RGS17: variants seen among roughly 807,000 people sequenced by gnomAD.
RGS17 encodes regulator of G protein signaling 17.
In RGS17, 12 loss-of-function variants were observed where a neutral mutation model predicts 25.5. The observed-to-expected ratio is 0.47, with a 90% confidence interval of 0.30 to 0.76. The LOEUF is 0.76. Among genes scored for constraint, RGS17 ranks in the 30% least tolerant of loss-of-function variants. RGS17 has a pLI of 0.07. For synonymous variants in RGS17, 71 were observed against 76.9 expected, an observed-to-expected ratio of 0.92 and a Z score of 0.40; for missense variants, 196 against 242.2, an observed-to-expected ratio of 0.81 and a Z score of 1.27.
chr6:153,020,762 A>G, intron 4 of RGS17, among the ~76,000 whole-genome samples: 1 of 152,184 alleles, frequency 6.6e-6, no homozygotes, highest in East Asian at 1.9e-4. Context: ...TGTTCTTTAA[A>G]AATATTCTGA....
rs370096270 is a variant in RGS17, at chr6:153,049,473, C to T, written c.-25-5430G>A. ...CTAAATTATTTTATAAATTCAAGGC[C>T]GGGCATGGTGGCTCACACCTGTAAT... On this transcript the variant is annotated intron_variant, in intron 1 of 4. Transcript: ENST00000206262. Among the ~76,000 whole-genome samples, 42 of 152,152 alleles carry T rather than the reference C, an allele frequency of 2.8e-4. 5 individuals carry two copies. Among genetic ancestry groups the T allele is most frequent in the Admixed American group, 2.0e-3 (31 of 15,280 alleles).
intron 4 of RGS17, among the ~76,000 whole-genome samples, chr6:153,019,606 G>A (rs1043391508): frequency 4.6e-5 from 7 of 152,008 alleles, no homozygotes; most frequent in African/African-American, 1.5e-4. Flanking sequence ...GAATTCTTGC[G>A]AGATCTGGTT....
intron 1 of RGS17, among the ~76,000 whole-genome samples, chr6:153,066,143 A>G (rs1196762981): frequency 6.6e-6 from 1 of 152,204 alleles, no homozygotes; most frequent in African/African-American, 2.4e-5. Context: ...AGAGGCTACT[A>G]TGAGTAACCG....
chr6:153,065,343 A>T (rs1226625798), intron 1 of RGS17, among the ~76,000 whole-genome samples: 2 of 152,236 alleles, frequency 1.3e-5, no homozygotes, highest in Non-Finnish European at 1.5e-5. Context: ...AGGCCCCAGT[A>T]CAGTAATGGC....
chr6:153,121,587 G>T (rs990231402), intron 1 of RGS17, among the ~76,000 whole-genome samples: 4 of 152,062 alleles, frequency 2.6e-5, no homozygotes, highest in Non-Finnish European at 5.9e-5. Context: ...AAATATTTTA[G>T]ATATTAAGTC....
intron 1 of RGS17, among the ~76,000 whole-genome samples, chr6:153,058,702 G>A (rs936071541): frequency 7.9e-5 from 12 of 152,130 alleles, no homozygotes; most frequent in Admixed American, 6.6e-5. Context: ...TAGTTGTGAC[G>A]AATTTTTCCT....
intron 1 of RGS17, among the ~76,000 whole-genome samples, chr6:153,110,641 C>T (rs1418488043): frequency 6.6e-6 from 1 of 152,182 alleles, no homozygotes; most frequent in Admixed American, 6.5e-5. Context: ...TACCTGGTGG[C>T]TGGCAAGATG....
chr6:153,090,849 T>C (rs557934920), intron 1 of RGS17, among the ~76,000 whole-genome samples: 58 of 119,270 alleles, frequency 4.9e-4, no homozygotes, highest in Admixed American at 3.9e-3. Context: ...TAAAAAAACA[T>C]AGTATATATA....
chr6:153,082,825 C>T (rs1777003594), intron 1 of RGS17, among the ~76,000 whole-genome samples: 1 of 152,040 alleles, frequency 6.6e-6, no homozygotes, highest in South Asian at 2.1e-4. Flanking sequence ...CCTGACAGGC[C>T]ATTAATCATA....
chr6:153,058,102 A>G (rs1338211061), intron 1 of RGS17, among the ~76,000 whole-genome samples: 3 of 152,232 alleles, frequency 2.0e-5, no homozygotes, highest in Admixed American at 6.5e-5. Context: ...CCATTCTGCT[A>G]TAAGGGCTGA....
At chr6:153,078,616 T>C (rs935790828) in intron 1 of RGS17, among the ~76,000 whole-genome samples, 8 of 147,004 alleles carry the variant, frequency 5.4e-5, no homozygotes, top group Non-Finnish European at 9.1e-5. Context: ...AATAATACTT[T>C]ATTAATGTGA....
chr6:153,009,599 CTT>C lies in RGS17; in HGVS notation c.*1973_*1974del, dbSNP rs980238065. 5.3e-5 allele frequency: 8 copies of C among 151,740 alleles called. No homozygotes were observed. The highest frequency in any genetic ancestry group is 4.2e-4 in the South Asian group (2 of 4,788). The allele number at this position is 151,740 out of a possible 1,614,324, so 9.4% of individuals were successfully genotyped here. On this transcript the variant is annotated 3_prime_UTR_variant, in exon 5 of 5. Coordinates refer to ENST00000206262, the MANE Select transcript of RGS17 (RefSeq NM_012419.5). Reference sequence around the variant, plus strand: ...TTTAAATGACATGAATAAAATATGTCTTAACACACTAACACTTTCAGAAAACA... The same window carrying C: ...TTTAAATGACATGAATAAAATATGTCAACACACTAACACTTTCAGAAAACA...
chr6:153,037,821 G>T (rs1776269931), intron 2 of RGS17, among the ~76,000 whole-genome samples: 1 of 152,196 alleles, frequency 6.6e-6, no homozygotes, highest in South Asian at 2.1e-4. Context: ...TCAAATACAA[G>T]ATCTATGTAA....
intron 1 of RGS17, among the ~76,000 whole-genome samples, chr6:153,101,400 T>C (rs557057811): frequency 1.8e-4 from 27 of 152,248 alleles, no homozygotes; most frequent in African/African-American, 6.5e-4. Flanking sequence ...TATCCTCGGG[T>C]GGTCATGGAA....
Position 153,022,202 on chromosome 6 carries a change from C to T in RGS17, c.444+2060G>A, listed in dbSNP as rs987026271. ...CAGCCTGGGTGGCACAGTGAGACTC[C>T]GTCTCAAAAAAAATTAGATGAAAAC... On this transcript the variant is annotated intron_variant, in intron 4 of 4. Coordinates refer to ENST00000206262, the MANE Select transcript of RGS17 (RefSeq NM_012419.5). Among the ~76,000 whole-genome samples the T allele has an allele frequency of 9.2e-4, 140 of 151,812 alleles. 1 individual carries two copies. The highest frequency in any genetic ancestry group is 3.2e-3 in the African/African-American group (133 of 41,408).
At position 153,043,894 on chromosome 6, in the gene RGS17, A is replaced by C; in HGVS notation, c.119+6T>G. The C allele has an allele frequency of 1.9e-6, 3 of 1,588,340 alleles. No individual in the cohort carries two copies. The highest frequency in any genetic ancestry group is 2.6e-6 in the Non-Finnish European group (3 of 1,160,156). On this transcript the variant is annotated splice_donor_region_variant and intron_variant, in intron 2 of 4. Transcript: ENST00000206262. ...GGTGTGGCATCCTACAGGTAACATG[A>C]CATACCAGGAGCAGCTGCAACAACA...
chr6:153,036,969 A>C (rs1280289425), intron 2 of RGS17, among the ~76,000 whole-genome samples: 1 of 151,916 alleles, frequency 6.6e-6, no homozygotes, highest in Non-Finnish European at 1.5e-5. Context: ...CTTACTTAAA[A>C]CCCTTCAATT....
At chr6:153,049,294 A>G (rs1776429753) in intron 1 of RGS17, among the ~76,000 whole-genome samples, 1 of 152,190 alleles carries the variant, frequency 6.6e-6, no homozygotes, top group East Asian at 1.9e-4. Flanking sequence ...ATAGTTCAAT[A>G]GCAAAACCAA....
chr6:153,113,969 G>A (rs940534905), intron 1 of RGS17, among the ~76,000 whole-genome samples: 6 of 152,168 alleles, frequency 3.9e-5, no homozygotes, highest in Non-Finnish European at 4.4e-5. Flanking sequence ...ATGCCCACAG[G>A]AGAAAGCAGG....
Sources: gnomAD v4.1 joint callset for allele counts (sites outside exome capture counted in the v4.1 genomes callset) on GRCh38, gnomAD v4.1.1 for gene constraint, MANE v1.5 for transcripts, NCBI Gene and HGNC (gene_info 2026-07-23, HGNC 2026-07-21) for gene names.